Variants in WASF1 observed in about 807,000 individuals in gnomAD.
WASF1 encodes the protein actin-binding protein WASF1.
WASF1 carries 7 observed loss-of-function variants against 50.5 expected under a neutral mutation model. The ratio of observed to expected loss-of-function variants is 0.14; its 90% CI spans 0.08 to 0.26. The LOEUF (loss-of-function observed/expected upper bound fraction) is 0.26. Ranked by LOEUF, WASF1 falls within the 10% of genes least tolerant of loss-of-function variation. The probability of loss-of-function intolerance (pLI) is 1.00; values close to 1 mark genes in which losing one functional copy is unlikely to be tolerated. For synonymous variants in WASF1, 205 were observed against 244.0 expected (o/e 0.84, Z 1.49); for missense variants, 470 against 694.7 (o/e 0.68, Z 3.64).
intron 2 of WASF1, among the ~76,000 whole-genome samples, chr6:110,172,452 A>G (rs1276057015): frequency 6.6e-6 from 1 of 152,198 alleles, no homozygotes; most frequent in East Asian, 1.9e-4. Context: ...GTAGTTGTGT[A>G]TTATGATGTA....
chr6:110,119,306 C>A, intron 4 of WASF1, among the ~76,000 whole-genome samples: 1 of 151,658 alleles, frequency 6.6e-6, no homozygotes, highest in East Asian at 1.9e-4. Flanking sequence ...GACTAATAAA[C>A]AAGAAAAGAG....
rs183890095 is a variant in WASF1 at position 110,142,603 on chromosome 6, T to C, written c.-28-14974A>G. On this transcript the variant is annotated intron_variant, in intron 3 of 10. Transcript: ENST00000392589. The stretch of plus-strand genomic sequence containing the variant: ...CAACACCATCTTTTTCATGGGATCC[T>C]TTGTCAGGCTAGAAAAGAATTTTAA... Among the ~76,000 whole-genome samples, 8 of 152,192 alleles carry C rather than the reference T, an allele frequency of 5.3e-5. No homozygotes were observed. The East Asian group carries it at 1.5e-3, about 29-fold the overall frequency.
intron 4 of WASF1, among the ~76,000 whole-genome samples, chr6:110,124,274 C>CTATATATATATATATATA (rs35703116): frequency 3.4e-4 from 7 of 20,502 alleles, no homozygotes; most frequent in African/African-American, 8.1e-4. Context: ...CTCTCTCTCT[C>CTATATATATATATATATA]TATATATATA....
At chr6:110,141,690 G>T (rs956504658) in intron 3 of WASF1, among the ~76,000 whole-genome samples, 3 of 151,212 alleles carry the variant, frequency 2.0e-5, no homozygotes, top group African/African-American at 7.3e-5. Context: ...ATAAATGGAA[G>T]AAATAACAAA....
intron 3 of WASF1, among the ~76,000 whole-genome samples, chr6:110,150,553 T>C (rs1016700948): frequency 2.6e-5 from 4 of 152,174 alleles, no homozygotes; most frequent in Admixed American, 6.5e-5. Context: ...CTACCTTCAC[T>C]GCAGAAAGTT....
chr6:110,171,730 T>A (rs879556702), intron 2 of WASF1, among the ~76,000 whole-genome samples: 14 of 151,944 alleles, frequency 9.2e-5, no homozygotes, highest in Admixed American at 2.6e-4. Flanking sequence ...GAAACTACCA[T>A]CAGAGCGAAC....
intron 4 of WASF1, among the ~76,000 whole-genome samples, chr6:110,124,274 CTATATATATATATATATATATATA>C (rs35703116): frequency 4.9e-5 from 1 of 20,516 alleles, no homozygotes; most frequent in Non-Finnish European, 7.6e-5. Flanking sequence ...CTCTCTCTCT[CTATATATATATATATATATATATA>C]TATATATATA....
chr6:110,138,083 C>T (rs138662926), intron 3 of WASF1, among the ~76,000 whole-genome samples: 1,796 of 152,330 alleles, frequency 0.012, 30 homozygotes, highest in African/African-American at 0.041. Context: ...GAGCCAGGCA[C>T]GGAGTGGCAA....
Position 110,160,621 on chromosome 6 carries a change from C to A in WASF1, c.-29+14G>T, listed in dbSNP as rs1422842406. On this transcript the variant is annotated intron_variant, in intron 3 of 10. Transcript: ENST00000392589. Reference sequence around the variant, plus strand: ...CAGGAGTTGCCATTGAGATACATTACTTCTTAATTTTACCTTGAAGATTTT... The same window carrying A: ...CAGGAGTTGCCATTGAGATACATTAATTCTTAATTTTACCTTGAAGATTTT... 6.6e-6 allele frequency: 1 copy of A among 151,700 alleles called. No homozygotes were observed. The highest frequency in any genetic ancestry group is 1.5e-5 in the Non-Finnish European group (1 of 67,744). The allele number at this position is 151,700 out of a possible 1,614,324, so 9.4% of individuals were successfully genotyped here.
At chr6:110,135,362 T>G (rs1024541720) in intron 3 of WASF1, among the ~76,000 whole-genome samples, 2 of 152,208 alleles carry the variant, frequency 1.3e-5, no homozygotes, top group African/African-American at 4.8e-5. Context: ...CCTTTCTTTT[T>G]CGTTGGATTG....
intron 2 of WASF1, among the ~76,000 whole-genome samples, chr6:110,175,347 TAAAAC>T (rs1456441943): frequency 6.6e-6 from 1 of 151,978 alleles, no homozygotes; most frequent in Non-Finnish European, 1.5e-5. Flanking sequence ...TTTTAAAAAT[TAAAAC>T]AAACAAAAAA....
At position 110,101,461 on chromosome 6, in the gene WASF1, A is replaced by G. The variant is rs1773081280; in HGVS notation, c.1522+127T>C. The stretch of plus-strand genomic sequence containing the variant: ...TAAGTTGGATATAGCTTTACTTTCT[A>G]AAGGCCATTTGTACACAAACATGAT... On this transcript the variant is annotated intron_variant, in intron 10 of 10. Coordinates refer to ENST00000392589, the MANE Select transcript of WASF1 (RefSeq NM_003931.3). 4.1e-6 allele frequency: 5 copies of G among 1,233,938 alleles called. No individual in the cohort carries two copies. In the African/African-American group the frequency reaches 6.1e-5, roughly 15 times the overall value. The allele number at this position is 1,233,938 out of a possible 1,614,324, so 76.4% of individuals were successfully genotyped here. A position where few individuals can be genotyped will look rare whatever the true frequency, so the allele number is the denominator to read the frequency against.
chr6:110,141,930 C>T (rs1010934938), intron 3 of WASF1, among the ~76,000 whole-genome samples: 1 of 152,176 alleles, frequency 6.6e-6, no homozygotes, highest in South Asian at 2.1e-4. Flanking sequence ...CACCGCCACG[C>T]TCAGCTAATT....
intron 3 of WASF1, among the ~76,000 whole-genome samples, chr6:110,143,049 A>T (rs913761845): frequency 6.6e-6 from 1 of 151,756 alleles, no homozygotes; most frequent in Non-Finnish European, 1.5e-5. Context: ...TGAAGCAAAC[A>T]TCAATAGATT....
intron 4 of WASF1, among the ~76,000 whole-genome samples, chr6:110,122,466 G>GT (rs1167600897): frequency 6.6e-6 from 1 of 152,148 alleles, no homozygotes; most frequent in Non-Finnish European, 1.5e-5. Context: ...ATCAAGATGT[G>GT]TTTTTGTAAA....
chr6:110,113,686 A>G (rs1773671827), intron 4 of WASF1, among the ~76,000 whole-genome samples: 1 of 152,198 alleles, frequency 6.6e-6, no homozygotes, highest in Admixed American at 6.5e-5. Flanking sequence ...TAGTCCACTT[A>G]CATGTGGATT....
At chr6:110,149,320 G>T (rs558573451) in intron 3 of WASF1, among the ~76,000 whole-genome samples, 2 of 151,336 alleles carry the variant, frequency 1.3e-5, no homozygotes, top group Non-Finnish European at 2.9e-5. Flanking sequence ...CGCCTACATC[G>T]TTGCCATTCT....
intron 2 of WASF1, among the ~76,000 whole-genome samples, chr6:110,162,128 T>G (rs974980430): frequency 6.6e-6 from 1 of 151,014 alleles, no homozygotes; most frequent in Non-Finnish European, 1.5e-5. Context: ...TTTCAAAGAG[T>G]AAAAATAATA....
Position 110,144,407 on chromosome 6 carries a change from G to C in WASF1, c.-29+16228C>G, listed in dbSNP as rs562826682. ...GGTTGCAAAAATTTTCTCCCACTCT[G>C]TAGTTTGCCTGTTCACTCTGATGGT... On this transcript the variant is annotated intron_variant, in intron 3 of 10. Transcript: ENST00000392589. Among the ~76,000 whole-genome samples, 30 of 152,250 alleles carry C rather than the reference G, an allele frequency of 2.0e-4. No homozygotes were observed. In the South Asian group the frequency reaches 5.0e-3, roughly 25 times the overall value.
Sources: gnomAD v4.1 joint callset for allele counts (sites outside exome capture counted in the v4.1 genomes callset) on GRCh38, gnomAD v4.1.1 for gene constraint, MANE v1.5 for transcripts, NCBI Gene and HGNC (gene_info 2026-07-23, HGNC 2026-07-21) for gene names.